NEK7: variants seen among roughly 807,000 people sequenced by gnomAD.
The protein encoded by NEK7 is serine/threonine-protein kinase Nek7.
Under a neutral mutation model 44.6 loss-of-function variants are expected in NEK7, and 18 were observed. The ratio of observed to expected loss-of-function variants is 0.40; its 90% CI spans 0.28 to 0.60. The LOEUF (loss-of-function observed/expected upper bound fraction) is 0.60, where lower values mean the gene tolerates loss of function less well. NEK7 is among the 20% of genes least tolerant of loss of function. The probability of loss-of-function intolerance (pLI) is 0.38; values close to 1 mark genes in which losing one functional copy is unlikely to be tolerated. For missense variants in NEK7, 256 were observed against 366.5 expected (o/e 0.70, Z 2.46); for synonymous variants, 130 against 121.1 (o/e 1.07, Z -0.48).
intron 2 of NEK7, among the ~76,000 whole-genome samples, chr1:198,233,750 T>C (rs1426968190): frequency 6.6e-6 from 1 of 151,160 alleles, no homozygotes; most frequent in Admixed American, 6.6e-5. Context: ...GGATCCTTTT[T>C]TTTTTTTTTT....
chr1:198,318,093 C>T (rs1655429627), intron 9 of NEK7, among the ~76,000 whole-genome samples: 1 of 151,922 alleles, frequency 6.6e-6, no homozygotes, highest in Non-Finnish European at 1.5e-5. Context: ...GTTGAATTTC[C>T]AAGTGTAGCT....
intron 5 of NEK7, among the ~76,000 whole-genome samples, chr1:198,274,813 G>C (rs553376226): frequency 6.6e-6 from 1 of 151,852 alleles, no homozygotes; most frequent in South Asian, 2.1e-4. Context: ...GTAGTGGGAT[G>C]TTTGGAGATG....
At chr1:198,280,567 A>G (rs1435791852) in intron 7 of NEK7, among the ~76,000 whole-genome samples, 1 of 152,036 alleles carries the variant, frequency 6.6e-6, no homozygotes, top group Non-Finnish European at 1.5e-5. Flanking sequence ...AGTTCTAAAC[A>G]GAATTTAAGA....
chr1:198,251,055 A>G (rs547218294), intron 2 of NEK7, among the ~76,000 whole-genome samples: 62 of 152,008 alleles, frequency 4.1e-4, no homozygotes, highest in Non-Finnish European at 7.2e-4. Flanking sequence ...GATATGTCCC[A>G]TCAATACCAA....
chr1:198,189,871 G>A (rs1425507249), intron 1 of NEK7, among the ~76,000 whole-genome samples: 1 of 152,040 alleles, frequency 6.6e-6, no homozygotes, highest in Non-Finnish European at 1.5e-5. Flanking sequence ...AAGAATTTGT[G>A]TATTAATTGA....
At chr1:198,195,436 C>T (rs2102777252) in intron 1 of NEK7, among the ~76,000 whole-genome samples, 1 of 152,252 alleles carries the variant, frequency 6.6e-6, no homozygotes, top group South Asian at 2.1e-4. Flanking sequence ...ACCCATTTAA[C>T]CATATATCCC....
intron 3 of NEK7, among the ~76,000 whole-genome samples, chr1:198,253,506 C>T (rs913971695): frequency 1.3e-5 from 2 of 152,080 alleles, no homozygotes; most frequent in African/African-American, 4.8e-5. Context: ...TGAAGTTCTA[C>T]AGCTATAGGC....
intron 1 of NEK7, among the ~76,000 whole-genome samples, chr1:198,203,048 G>C (rs781629042): frequency 8.6e-5 from 13 of 150,628 alleles, no homozygotes; most frequent in Non-Finnish European, 1.9e-4. Flanking sequence ...AAAATACTAT[G>C]ACGTTTTCAT....
chr1:198,189,660 T>C (rs898793790), intron 1 of NEK7, among the ~76,000 whole-genome samples: 2 of 152,294 alleles, frequency 1.3e-5, no homozygotes, highest in African/African-American at 4.8e-5. Flanking sequence ...TTTTATGTTT[T>C]AGAATATGTT....
intron 5 of NEK7, among the ~76,000 whole-genome samples, chr1:198,274,547 A>AT (rs1323357193): frequency 3.3e-5 from 5 of 151,812 alleles, no homozygotes; most frequent in Non-Finnish European, 5.9e-5. Flanking sequence ...GAGAATAGTA[A>AT]TTTTTTTGTA....
rs201404011 is a variant in NEK7, at chr1:198,184,328, AGG to A, written c.-29+27055_-29+27056del. 9.3e-3 allele frequency among the ~76,000 whole-genome samples: 1,421 copies of A among 152,272 alleles called. 23 individuals are homozygous for A. Among genetic ancestry groups the A allele is most frequent in the African/African-American group, 0.032 (1,338 of 41,538 alleles). On this transcript the variant is annotated intron_variant, in intron 1 of 9. Coordinates refer to ENST00000367385, the MANE Select transcript of NEK7 (RefSeq NM_133494.3). ...TATGACTCAGTGCGATTTTTCTTGA[AGG>A]GGTAGATTTACAGTTCTAAATATTA...
intron 3 of NEK7, among the ~76,000 whole-genome samples, chr1:198,258,712 A>G (rs1653356594): frequency 1.3e-5 from 2 of 152,222 alleles, no homozygotes; most frequent in Non-Finnish European, 2.9e-5. Context: ...ATCAGTCATT[A>G]CTTGCCTAAC....
At chr1:198,221,816 T>C (rs1217009783) in intron 1 of NEK7, among the ~76,000 whole-genome samples, 3 of 151,952 alleles carry the variant, frequency 2.0e-5, no homozygotes, top group Non-Finnish European at 4.4e-5. Context: ...TATCTTAGGA[T>C]TTTAGCTTTA....
At chr1:198,257,147 GT>G (rs1031501576) in intron 3 of NEK7, among the ~76,000 whole-genome samples, 2 of 151,676 alleles carry the variant, frequency 1.3e-5, no homozygotes, top group South Asian at 2.1e-4. Flanking sequence ...TTGTCAGTGA[GT>G]TTTTTTTAGG....
intron 1 of NEK7, among the ~76,000 whole-genome samples, chr1:198,227,971 A>C (rs1035498782): frequency 6.6e-6 from 1 of 152,218 alleles, no homozygotes. Context: ...GGTATTGCCT[A>C]GGTTTTCTTC....
intron 9 of NEK7, among the ~76,000 whole-genome samples, chr1:198,301,417 G>T (rs748846402): frequency 4.6e-5 from 7 of 152,224 alleles, no homozygotes; most frequent in Non-Finnish European, 8.8e-5. Context: ...GGGCGTGGTG[G>T]CGGGCGCCTG....
intron 1 of NEK7, among the ~76,000 whole-genome samples, chr1:198,191,273 T>C (rs1459746713): frequency 1.3e-5 from 2 of 152,102 alleles, no homozygotes; most frequent in Non-Finnish European, 2.9e-5. Context: ...CCTTCAAATA[T>C]TTCTGCCTGT....
chr1:198,315,104 C>G (rs898302144), intron 9 of NEK7, among the ~76,000 whole-genome samples: 6 of 152,206 alleles, frequency 3.9e-5, no homozygotes, highest in African/African-American at 1.2e-4. Flanking sequence ...GGCGTAGGAC[C>G]CTCCGAGCCA....
intron 2 of NEK7, among the ~76,000 whole-genome samples, chr1:198,235,804 A>AT (rs1026113054): frequency 6.6e-6 from 1 of 151,402 alleles, no homozygotes; most frequent in Admixed American, 6.6e-5. Flanking sequence ...GGCCTAGGTT[A>AT]TTTTTTTTTA....
Sources: gnomAD v4.1 joint callset for allele counts (sites outside exome capture counted in the v4.1 genomes callset) on GRCh38, gnomAD v4.1.1 for gene constraint, MANE v1.5 for transcripts, NCBI Gene and HGNC (gene_info 2026-07-23, HGNC 2026-07-21) for gene names.